The following SERBP1 variants were observed in gnomAD, a reference collection of about 807,000 sequenced individuals.
The protein encoded by SERBP1 is SERPINE1 mRNA-binding protein 1.
In SERBP1, 6 loss-of-function variants were observed where a neutral mutation model predicts 50.2. That is an observed-to-expected ratio of 0.12 (90% CI 0.07 to 0.24). The LOEUF (loss-of-function observed/expected upper bound fraction) is 0.24, where lower values mean the gene tolerates loss of function less well. SERBP1 is among the 10% of genes least tolerant of loss of function. SERBP1 has a pLI of 1.00. For synonymous variants in SERBP1, 168 were observed against 182.8 expected (o/e 0.92, Z 0.65); for missense variants, 346 against 524.9 (o/e 0.66, Z 3.33).
Position 67,420,149 on chromosome 1 carries a change from T to G in SERBP1, c.811A>C (p.Lys271Gln), listed in dbSNP as rs779551265. The G allele has an allele frequency of 6.2e-7, 1 of 1,613,634 alleles. No homozygotes were observed. The highest frequency in any genetic ancestry group is 8.5e-7 in the Non-Finnish European group (1 of 1,179,822). The stretch of plus-strand genomic sequence containing the variant: ...TTCCACTCATCCAAAGTCATCTCTT[T>G]TGGACCCTCCTCTTTTACCTCTTCA... ...EVEEVKEEGP[K>Q]EMTLDEWKAI... The change falls in exon 6 of 8, where the codon AAA becomes CAA. Residue 271 changes from lysine (K) to glutamine (Q), a missense_variant. Around this residue, in one of 5 missense-constraint regions of SERBP1, gnomAD observed 257 missense variants for 331.2 expected, o/e 0.78. Transcript: ENST00000361219.
rs1666744063 is a variant in SERBP1 at position 67,409,366 on chromosome 1, ATTC to A, written c.*3838_*3840del. 1 of 136,760 alleles carries A rather than the reference ATTC, an allele frequency of 7.3e-6. No homozygotes were observed. The highest frequency in any genetic ancestry group is 1.6e-5 in the Non-Finnish European group (1 of 64,308). The allele number at this position is 136,760 out of a possible 1,614,324, so 8.5% of individuals were successfully genotyped here. A position where few individuals can be genotyped will look rare whatever the true frequency, so the allele number is the denominator to read the frequency against. ...TTAATCCTATACAAGCCTAAAAACC[ATTC>A]TTAACTCAGGGACACGGACACACAC... On this transcript the variant is annotated 3_prime_UTR_variant, in exon 8 of 8. Transcript: ENST00000361219.
intron 3 of SERBP1, 24 bp downstream of exon 3, chr1:67,425,059 A>T (rs745759024): frequency 8.1e-6 from 13 of 1,601,218 alleles, no homozygotes; most frequent in Non-Finnish European, 8.5e-7. Flanking sequence ...ATATTAAAGT[A>T]AAATAAAAAC....
chr1:67,425,766 C>T (rs1485975608), intron 2 of SERBP1, among the ~76,000 whole-genome samples: 2 of 152,170 alleles, frequency 1.3e-5, no homozygotes, highest in African/African-American at 4.8e-5. Context: ...TTAATAGAAA[C>T]AATTAGCCAG....
intron 5 of SERBP1, 55 bp downstream of exon 5, chr1:67,424,144 TA>T: frequency 6.5e-7 from 1 of 1,537,934 alleles, no homozygotes; most frequent in Non-Finnish European, 8.7e-7. Context: ...ATCTTATTGG[TA>T]AAACTCCAGT....
chr1:67,429,014 C>A (rs941541002), intron 1 of SERBP1, among the ~76,000 whole-genome samples: 2 of 151,880 alleles, frequency 1.3e-5, no homozygotes, highest in Admixed American at 1.3e-4. Flanking sequence ...ACTGGTAAAG[C>A]GAATGCAAAA....
chr1:67,427,809 T>A (rs559162070), intron 1 of SERBP1, among the ~76,000 whole-genome samples: 1 of 152,242 alleles, frequency 6.6e-6, no homozygotes, highest in Non-Finnish European at 1.5e-5. Context: ...CTTCTTTTGA[T>A]ATACTTATCT....
chr1:67,428,755 C>T (rs1667469294), intron 1 of SERBP1, among the ~76,000 whole-genome samples: 2 of 150,028 alleles, frequency 1.3e-5, no homozygotes, highest in African/African-American at 4.9e-5. Flanking sequence ...AAAAAAAACC[C>T]TCCTAAAACA....
chr1:67,418,163 C>T (rs1256495928), intron 6 of SERBP1, among the ~76,000 whole-genome samples: 3 of 150,830 alleles, frequency 2.0e-5, no homozygotes, highest in Non-Finnish European at 4.4e-5. Flanking sequence ...TTAGTAGAGA[C>T]GGGGTTTCTC....
Position 67,411,871 on chromosome 1 carries a change from T to A in SERBP1, c.*1336A>T, listed in dbSNP as rs895211556. 1.3e-5 allele frequency: 2 copies of A among 152,254 alleles called. No individual in the cohort carries two copies. The highest frequency in any genetic ancestry group is 2.9e-5 in the Non-Finnish European group (2 of 68,032). The allele number at this position is 152,254 out of a possible 1,614,324, so 9.4% of individuals were successfully genotyped here. A position where few individuals can be genotyped will look rare whatever the true frequency, so the allele number is the denominator to read the frequency against. On this transcript the variant is annotated 3_prime_UTR_variant, in exon 8 of 8. Transcript: ENST00000361219. The stretch of plus-strand genomic sequence containing the variant: ...AAAAGACAATCCTAGAAAACTTTTT[T>A]AATTCATCATTCTATGTGTGTTTTA...
Position 67,427,438 on chromosome 1 carries a change from C to T in SERBP1, c.314-1153G>A, listed in dbSNP as rs571877795. The stretch of plus-strand genomic sequence containing the variant: ...ATTGGTTTTACAAGATTTTAAGCTG[C>T]TTCACTTTGGTTCTTTCTAAGAAAG... On this transcript the variant is annotated intron_variant, in intron 1 of 7. Coordinates refer to ENST00000361219, the MANE Select transcript of SERBP1 (RefSeq NM_001018069.2). Among the ~76,000 whole-genome samples, 9 of 152,294 alleles carry T rather than the reference C, an allele frequency of 5.9e-5. No individual in the cohort carries two copies. In the South Asian group the frequency reaches 1.9e-3, roughly 32 times the overall value.
chr1:67,426,007 G>C, intron 2 of SERBP1, 128 bp downstream of exon 2: 1 of 759,616 alleles, frequency 1.3e-6, no homozygotes, highest in Admixed American at 2.8e-5. Context: ...AGCTACTCAA[G>C]AGGAGACTGA....
Position 67,413,025 on chromosome 1 carries a change from G to A in SERBP1, c.*182C>T, listed in dbSNP as rs1475779760. 2.8e-6 allele frequency: 2 copies of A among 706,674 alleles called. No homozygotes were observed. Among genetic ancestry groups the A allele is most frequent in the South Asian group, 2.4e-5 (1 of 41,608 alleles). The allele number at this position is 706,674 out of a possible 1,614,324, so 43.8% of individuals were successfully genotyped here. On this transcript the variant is annotated 3_prime_UTR_variant, in exon 8 of 8. Coordinates refer to ENST00000361219, the MANE Select transcript of SERBP1 (RefSeq NM_001018069.2). Reference sequence around the variant, plus strand: ...AAATACAAAACTGACTACCATATTTGTTACTTCTGTGTAGCGGGAGAAGTT... The same window carrying A: ...AAATACAAAACTGACTACCATATTTATTACTTCTGTGTAGCGGGAGAAGTT...
intron 1 of SERBP1, among the ~76,000 whole-genome samples, chr1:67,428,752 A>C (rs1055804685): frequency 4.6e-5 from 7 of 151,206 alleles, no homozygotes; most frequent in Admixed American, 4.0e-4. Context: ...AAAAAAAAAA[A>C]CCCTCCTAAA....
intron 5 of SERBP1, among the ~76,000 whole-genome samples, chr1:67,420,806 A>G (rs1033431971): frequency 6.6e-6 from 1 of 152,208 alleles, no homozygotes; most frequent in Non-Finnish European, 1.5e-5. Context: ...ATTCACTACT[A>G]ATAGAACTAT....
At chr1:67,422,297 T>C (rs1303052102) in intron 5 of SERBP1, among the ~76,000 whole-genome samples, 1 of 151,948 alleles carries the variant, frequency 6.6e-6, no homozygotes, top group Non-Finnish European at 1.5e-5. Context: ...GCAGATCACC[T>C]GAGGTCAGAG....
chr1:67,423,042 G>A (rs1415172311), intron 5 of SERBP1, among the ~76,000 whole-genome samples: 1 of 151,780 alleles, frequency 6.6e-6, no homozygotes, highest in Non-Finnish European at 1.5e-5. Context: ...GGCTGGGTGT[G>A]GTGGCTCACA....
At chr1:67,417,814 T>C (rs1042433994) in intron 6 of SERBP1, among the ~76,000 whole-genome samples, 2 of 151,598 alleles carry the variant, frequency 1.3e-5, no homozygotes, top group African/African-American at 4.9e-5. Flanking sequence ...TCCGACCTTT[T>C]TTCTAGAGCA....
rs897190757 is a variant in SERBP1 at position 67,430,230 on chromosome 1, T to A, written c.71A>T (p.Glu24Val). The stretch of plus-strand genomic sequence containing the variant: ...CTTCAGCACCTCGAAGGGGTCCGAT[T>A]CGTCGTCAAATAACTGGTCGAATCG... ...TNRFDQLFDD[E>V]SDPFEVLKAA... Residue 24 changes from glutamate (E) to valine (V), a missense_variant, in exon 1 of 8, where the codon GAA becomes GTA. Glu to Val is a moderately radical substitution (Grantham distance 121). This residue lies in a region of SERBP1 where 13 missense variants were observed against 40.8 expected (regional missense o/e 0.32). Coordinates refer to ENST00000361219, the MANE Select transcript of SERBP1 (RefSeq NM_001018069.2). 6.3e-7 allele frequency: 1 copy of A among 1,595,426 alleles called. No homozygotes were observed. Among genetic ancestry groups the A allele is most frequent in the African/African-American group, 1.4e-5 (1 of 73,514 alleles).
chr1:67,421,611 A>C (rs1345354324), intron 5 of SERBP1, among the ~76,000 whole-genome samples: 1 of 152,232 alleles, frequency 6.6e-6, no homozygotes, highest in Non-Finnish European at 1.5e-5. Context: ...ACCTTTTGGT[A>C]AACAGTTATA....
Sources: gnomAD v4.1 joint callset for allele counts (sites outside exome capture counted in the v4.1 genomes callset) on GRCh38, gnomAD v4.1.1 for gene constraint, gnomAD v4.1.1 regional missense constraint, MANE v1.5 for transcripts, NCBI Gene and HGNC (gene_info 2026-07-23, HGNC 2026-07-21) for gene names.